Variants in MAP3K14 observed in about 807,000 individuals in gnomAD.
MAP3K14 encodes mitogen-activated protein kinase kinase kinase 14.
In MAP3K14, 16 loss-of-function variants were observed where a neutral mutation model predicts 99.2. That is an observed-to-expected ratio of 0.16 (90% CI 0.11 to 0.24). The LOEUF (loss-of-function observed/expected upper bound fraction) is 0.24, where lower values mean the gene tolerates loss of function less well. Among genes scored for constraint, MAP3K14 ranks in the 10% least tolerant of loss-of-function variants. The pLI is 1.00. For synonymous variants in MAP3K14, 462 were observed against 492.4 expected (o/e 0.94, Z 0.82); for missense variants, 784 against 1,208.7 (o/e 0.65, Z 5.21).
chr17:45,293,191 G>A (rs2044323985), intron 1 of MAP3K14, among the ~76,000 whole-genome samples: 1 of 152,240 alleles, frequency 6.6e-6, no homozygotes, highest in South Asian at 2.1e-4. Context: ...AGGAGGAAGA[G>A]AGAGTCCTGC....
chr17:45,307,667 G>A (rs952197782), intron 1 of MAP3K14, among the ~76,000 whole-genome samples: 6 of 152,194 alleles, frequency 3.9e-5, no homozygotes, highest in Non-Finnish European at 5.9e-5. Flanking sequence ...GTTTTCAGAG[G>A]TGGGAGTGGC....
intron 3 of MAP3K14, among the ~76,000 whole-genome samples, chr17:45,288,715 C>T (rs1031413312): frequency 1.3e-5 from 2 of 152,138 alleles, no homozygotes; most frequent in East Asian, 1.9e-4. Flanking sequence ...TGGGGGAATG[C>T]AGAGCCTGGG....
intron 11 of MAP3K14, among the ~76,000 whole-genome samples, chr17:45,269,454 ATC>A (rs1294240520): frequency 1.3e-5 from 2 of 152,178 alleles, no homozygotes; most frequent in African/African-American, 4.8e-5. Flanking sequence ...CTCCAAAATG[ATC>A]TCTTTCTGTG....
chr17:45,306,976 G>A (rs1405789814), intron 1 of MAP3K14, among the ~76,000 whole-genome samples: 2 of 152,176 alleles, frequency 1.3e-5, no homozygotes, highest in African/African-American at 2.4e-5. Flanking sequence ...AAATTTTTCA[G>A]GCCGGGAGTG....
intron 10 of MAP3K14, chr17:45,270,838 AAG>A (rs2044137393): frequency 1.4e-5 from 11 of 787,224 alleles, no homozygotes; most frequent in Non-Finnish European, 2.1e-5. Context: ...GTATGGACAG[AAG>A]AGAGTTCTCA....
In MAP3K14 at chr17:45,265,225, G is replaced by A; in HGVS notation, c.2617C>T (p.Leu873=). The part of the protein sequence containing the change: ...VQIQSLNGEH[L]HIREFHRVKV... Reference sequence around the variant, plus strand: ...ACCCGGTGGAACTCCCGGATGTGCAGGTGTTCACCATTAAGAGACTGTATT... The same window carrying A: ...ACCCGGTGGAACTCCCGGATGTGCAAGTGTTCACCATTAAGAGACTGTATT... The change falls in exon 15 of 16, where the codon CTG becomes TTG. Residue 873 remains leucine (L), a synonymous_variant. Transcript: ENST00000344686. The A allele has an allele frequency of 6.2e-7, 1 of 1,613,886 alleles. No individual in the cohort carries two copies. Among genetic ancestry groups the A allele is most frequent in the Non-Finnish European group, 8.5e-7 (1 of 1,179,864 alleles).
intron 6 of MAP3K14, among the ~76,000 whole-genome samples, chr17:45,279,798 A>G (rs890122446): frequency 6.6e-6 from 1 of 152,196 alleles, no homozygotes; most frequent in Non-Finnish European, 1.5e-5. Flanking sequence ...ATTCTTTTGA[A>G]GATTCCAGGA....
At chr17:45,292,823 T>C (rs906828643) in intron 1 of MAP3K14, among the ~76,000 whole-genome samples, 3 of 152,226 alleles carry the variant, frequency 2.0e-5, no homozygotes, top group East Asian at 3.8e-4. Flanking sequence ...GGGAGCTCGA[T>C]GTGAGCGTGA....
rs11574828 is a variant in MAP3K14 at position 45,272,714 on chromosome 17, C to T, written c.1657+789G>A. The stretch of plus-strand genomic sequence containing the variant: ...CAGCACTTTGGGAGGCTGAGTGGGG[C>T]GGATCACCTAAGGTCTGGAGTTTGA... On this transcript the variant is annotated intron_variant, in intron 9 of 15. Coordinates refer to ENST00000344686, the MANE Select transcript of MAP3K14 (RefSeq NM_003954.5). The surrounding 1 kb of genome is among the most constrained non-coding windows in gnomAD (Gnocchi z 4.1). 0.025 allele frequency among the ~76,000 whole-genome samples: 3,776 copies of T among 152,200 alleles called. 155 individuals carry two copies. Among genetic ancestry groups the T allele is most frequent in the East Asian group, 0.16 (847 of 5,170 alleles).
At chr17:45,273,675 G>A (rs775902156) in intron 8 of MAP3K14, 68 bp from the exon 9 acceptor site, 66 of 1,201,074 alleles carry the variant, frequency 5.5e-5, no homozygotes, top group Non-Finnish European at 7.6e-5. Flanking sequence ...ACCCTGGCTC[G>A]GTTTGGCCTG....
intron 1 of MAP3K14, among the ~76,000 whole-genome samples, chr17:45,300,704 C>T (rs913395261): frequency 6.6e-6 from 1 of 152,152 alleles, no homozygotes; most frequent in African/African-American, 2.4e-5. Flanking sequence ...CCTCCTGGTC[C>T]TGACACCCCC....
rs1278482243 is a variant in MAP3K14 at position 45,286,613 on chromosome 17, A to T, written c.970T>A (p.Ser324Thr). 3 of 1,611,376 alleles carry T rather than the reference A, an allele frequency of 1.9e-6. No homozygotes were observed. In the South Asian group the frequency reaches 3.3e-5, roughly 18 times the overall value. Residue 324 changes from serine to threonine, a missense_variant, in exon 5 of 16, where the codon TCT becomes ACT. This residue lies in a region of MAP3K14 where 138 missense variants were observed against 164.1 expected (regional missense o/e 0.84). Transcript: ENST00000344686. This position sits in a 1 kb window ranked among gnomAD's most constrained non-coding sequence, Gnocchi z 4.1. ...GAAAACTTCTCATGGGCACCACGAGACAGGCAGCTGGGCTCCAGGTGTGGG... is the reference window on the plus strand; with the variant it reads ...GAAAACTTCTCATGGGCACCACGAGTCAGGCAGCTGGGCTCCAGGTGTGGG... Reference protein sequence around the residue: ...PGPHLEPSCLSRGAHEKFSVE... With the variant: ...PGPHLEPSCLTRGAHEKFSVE...
At chr17:45,273,964 G>C in intron 8 of MAP3K14, 159 bp downstream of exon 8, 1 of 874,026 alleles carries the variant, frequency 1.1e-6, no homozygotes, top group Non-Finnish European at 1.7e-6. Context: ...TAAGGGGTTG[G>C]AGAACATCAT....
At chr17:45,307,772 A>G (rs935010868) in intron 1 of MAP3K14, among the ~76,000 whole-genome samples, 1 of 152,220 alleles carries the variant, frequency 6.6e-6, no homozygotes, top group Non-Finnish European at 1.5e-5. Flanking sequence ...GTCACTGGTG[A>G]CTGGTTCTGA....
chr17:45,272,422 C>T lies in MAP3K14; in HGVS notation c.1657+1081G>A, dbSNP rs189942744. On this transcript the variant is annotated intron_variant, in intron 9 of 15. Coordinates refer to ENST00000344686, the MANE Select transcript of MAP3K14 (RefSeq NM_003954.5). This position sits in a 1 kb window ranked among gnomAD's most constrained non-coding sequence, Gnocchi z 4.1. ...TATTTTAAAAGGGCTTAAAACAACA[C>T]GGGTGGAGGTCAAGTGTCCACATTC... 3.0e-4 allele frequency among the ~76,000 whole-genome samples: 45 copies of T among 152,258 alleles called. 1 individual carries two copies. The East Asian group carries it at 5.4e-3, about 18-fold the overall frequency.
intron 1 of MAP3K14, 103 bp from the exon 2 acceptor site, chr17:45,290,868 G>T: frequency 8.9e-7 from 1 of 1,119,714 alleles, no homozygotes; most frequent in Non-Finnish European, 1.3e-6. Flanking sequence ...AAGGGTCTCT[G>T]CCTGTTTATG....
In MAP3K14 at chr17:45,287,375, A is replaced by C; in HGVS notation, c.327-11T>G. 6.2e-7 allele frequency: 1 copy of C among 1,612,524 alleles called. No homozygotes were observed. Among genetic ancestry groups the C allele is most frequent in the Non-Finnish European group, 8.5e-7 (1 of 1,178,650 alleles). Reference sequence around the variant, plus strand: ...AGACTCTCGGACTGGCTGTCACAAAAGGGACAGATTTGCATATTGAGCACG... The same window carrying C: ...AGACTCTCGGACTGGCTGTCACAAACGGGACAGATTTGCATATTGAGCACG... On this transcript the variant is annotated splice_polypyrimidine_tract_variant and intron_variant, in intron 3 of 15. Coordinates refer to ENST00000344686, the MANE Select transcript of MAP3K14 (RefSeq NM_003954.5).
chr17:45,264,850 C>T, intron 15 of MAP3K14, 50 bp from the exon 16 acceptor site: 2 of 1,583,956 alleles, frequency 1.3e-6, no homozygotes, highest in Non-Finnish European at 1.7e-6. Flanking sequence ...AGGGCTCAAG[C>T]CATGTAGAAA....
At chr17:45,311,956 C>A (rs908474380) in intron 1 of MAP3K14, among the ~76,000 whole-genome samples, 1 of 152,154 alleles carries the variant, frequency 6.6e-6, no homozygotes, top group East Asian at 1.9e-4. Context: ...CTCTGTGCCC[C>A]GTCCACGATC....
Sources: gnomAD v4.1 joint callset for allele counts (sites outside exome capture counted in the v4.1 genomes callset) on GRCh38, gnomAD v4.1.1 for gene constraint, gnomAD v4.1.1 regional missense constraint, Gnocchi (gnomAD v3.1) non-coding constraint, MANE v1.5 for transcripts, NCBI Gene and HGNC (gene_info 2026-07-23, HGNC 2026-07-21) for gene names.